Variants in KTN1 observed in about 807,000 individuals in gnomAD.
KTN1 encodes the protein kinectin.
In KTN1, 130 loss-of-function variants were observed where a neutral mutation model predicts 222.5. The observed-to-expected ratio is 0.58, with a 90% confidence interval of 0.51 to 0.68. KTN1 has a LOEUF of 0.68. Among genes scored for constraint, KTN1 ranks in the 30% least tolerant of loss-of-function variants. The pLI, the probability that KTN1 is intolerant of heterozygous loss-of-function variation, is 0.00. For missense variants in KTN1, 1,508 were observed against 1,500.4 expected (o/e 1.01, Z -0.08); for synonymous variants, 512 against 496.3 (o/e 1.03, Z -0.42).
At chr14:55,665,234 G>A (rs898340115) in intron 33 of KTN1, among the ~76,000 whole-genome samples, 4 of 151,988 alleles carry the variant, frequency 2.6e-5, no homozygotes, top group African/African-American at 9.7e-5. Flanking sequence ...GAGGGTTTTA[G>A]TGTGGTTTCT....
intron 33 of KTN1, among the ~76,000 whole-genome samples, chr14:55,667,007 G>T (rs569863473): frequency 6.6e-6 from 1 of 152,080 alleles, no homozygotes; most frequent in South Asian, 2.1e-4. Flanking sequence ...CATATTGTCA[G>T]ATATTGCTAA....
intron 18 of KTN1, among the ~76,000 whole-genome samples, chr14:55,646,470 C>CTTTTCCT (rs1236402496): frequency 8.7e-5 from 3 of 34,292 alleles, no homozygotes; most frequent in Admixed American, 3.1e-4. Flanking sequence ...TTTTCCTTTC[C>CTTTTCCT]TTTCCTTTCC....
At chr14:55,624,411 G>A (rs1023409165) in intron 5 of KTN1, among the ~76,000 whole-genome samples, 1 of 152,192 alleles carries the variant, frequency 6.6e-6, no homozygotes, top group Non-Finnish European at 1.5e-5. Flanking sequence ...TCTTTCTTGA[G>A]TAACTGGATA....
At chr14:55,682,808 G>T (rs1595364912) in intron 43 of KTN1, 1 of 152,088 alleles carries the variant, frequency 6.6e-6, no homozygotes, top group African/African-American at 2.4e-5. Context: ...CAGGCACTGT[G>T]TTCACTGATC....
rs1303414401 is a variant in KTN1, at chr14:55,616,601, A to G, written c.608A>G (p.Glu203Gly). The G allele has an allele frequency of 6.2e-7, 1 of 1,608,536 alleles. No individual in the cohort carries two copies. Among genetic ancestry groups the G allele is most frequent in the Admixed American group, 1.7e-5 (1 of 58,094 alleles). The change falls in exon 3 of 44, where the codon GAA becomes GGA. Residue 203 changes from glutamate to glycine, a missense_variant. Coordinates refer to ENST00000395314, the MANE Select transcript of KTN1 (RefSeq NM_001079521.2). ...CCCCTCCACCAAGAGACTAAACAAGAAAGTGGATCAGGGAAGAAGAAAGCT... is the reference window on the plus strand; with the variant it reads ...CCCCTCCACCAAGAGACTAAACAAGGAAGTGGATCAGGGAAGAAGAAAGCT... ...ALPLHQETKQ[E>G]SGSGKKKASS...
At chr14:55,615,896 C>T (rs549309774) in intron 2 of KTN1, among the ~76,000 whole-genome samples, 3 of 148,034 alleles carry the variant, frequency 2.0e-5, no homozygotes, top group African/African-American at 7.5e-5. Context: ...CTCTCTTTCT[C>T]TCTCTCTTTT....
At chr14:55,595,982 G>A (rs1442167189) in intron 1 of KTN1, among the ~76,000 whole-genome samples, 1 of 151,662 alleles carries the variant, frequency 6.6e-6, no homozygotes, top group Non-Finnish European at 1.5e-5. Flanking sequence ...GTGAAACCCC[G>A]TCTCTACCAA....
chr14:55,657,739 C>G (rs1001478212), intron 29 of KTN1, among the ~76,000 whole-genome samples: 3 of 151,804 alleles, frequency 2.0e-5, no homozygotes, highest in Admixed American at 6.6e-5. Context: ...TGGTGAAACC[C>G]CGACTCTACT....
intron 5 of KTN1, among the ~76,000 whole-genome samples, chr14:55,621,122 G>C (rs779329032): frequency 4.6e-5 from 7 of 152,062 alleles, no homozygotes; most frequent in Non-Finnish European, 1.0e-4. Flanking sequence ...CTAAAACATA[G>C]CAAGAGTCGC....
chr14:55,655,409 C>T (rs919113826), intron 28 of KTN1, among the ~76,000 whole-genome samples: 6 of 152,078 alleles, frequency 3.9e-5, no homozygotes, highest in Non-Finnish European at 1.5e-5. Context: ...AATTCTGGAT[C>T]AAGGTGTGGT....
At chr14:55,651,789 TTTC>T (rs2042951612) in intron 24 of KTN1, 98 bp from the exon 25 acceptor site, 1 of 734,316 alleles carries the variant, frequency 1.4e-6, no homozygotes, top group African/African-American at 1.8e-5. Context: ...ATTCAGCTAG[TTTC>T]TTTGTAATTT....
chr14:55,639,296 G>T, intron 13 of KTN1, 74 bp downstream of exon 13: 2 of 1,022,006 alleles, frequency 2.0e-6, no homozygotes, highest in South Asian at 1.4e-5. Flanking sequence ...CGACACTTAT[G>T]ATTAACTTTA....
chr14:55,644,486 T>A, intron 18 of KTN1: 3 of 689,062 alleles, frequency 4.4e-6, no homozygotes, highest in Non-Finnish European at 8.0e-6. Context: ...AAGGCTGCAT[T>A]TGGATTTAGG....
intron 5 of KTN1, among the ~76,000 whole-genome samples, chr14:55,620,138 A>G (rs1016789778): frequency 6.6e-6 from 1 of 152,212 alleles, no homozygotes; most frequent in African/African-American, 2.4e-5. Flanking sequence ...TAAAGCTCCA[A>G]TATGATCTCC....
intron 1 of KTN1, among the ~76,000 whole-genome samples, chr14:55,609,931 A>G (rs56097264): frequency 0.014 from 2,074 of 152,284 alleles, 44 homozygotes; most frequent in African/African-American, 0.048. Flanking sequence ...GACGAATCAC[A>G]CTTAATGGAG....
chr14:55,670,312 A>G (rs572600759), intron 34 of KTN1, among the ~76,000 whole-genome samples: 2 of 152,188 alleles, frequency 1.3e-5, no homozygotes, highest in East Asian at 3.9e-4. Flanking sequence ...TATGAACTCA[A>G]AATACTTCAT....
At chr14:55,672,101 A>C (rs911090331) in intron 37 of KTN1, 2 of 463,592 alleles carry the variant, frequency 4.3e-6, no homozygotes, top group Non-Finnish European at 3.8e-6. Context: ...AAGGGTAATC[A>C]TATAGAATGT....
intron 1 of KTN1, among the ~76,000 whole-genome samples, chr14:55,586,058 A>AT (rs1272692332): frequency 1.3e-5 from 2 of 152,220 alleles, no homozygotes; most frequent in Non-Finnish European, 2.9e-5. Context: ...TGCATGAGTC[A>AT]TTGAGTTGTT....
chr14:55,593,446 C>CCCAAAAA (rs1555357160), intron 1 of KTN1, among the ~76,000 whole-genome samples: 1 of 120,584 alleles, frequency 8.3e-6, no homozygotes, highest in African/African-American at 3.2e-5. Context: ...ACCCCCCCCC[C>CCCAAAAA]AAAAAAAAAA....
Sources: allele counts gnomAD v4.1 joint callset (sites outside exome capture counted in the v4.1 genomes callset), GRCh38; gene constraint gnomAD v4.1.1; transcripts MANE v1.5; gene names NCBI Gene and HGNC (gene_info 2026-07-23, HGNC 2026-07-21).